The following PTPRG variants were observed in gnomAD, a reference collection of about 807,000 sequenced individuals.
PTPRG encodes the protein receptor-type tyrosine-protein phosphatase gamma.
Under a neutral mutation model 165.3 loss-of-function variants are expected in PTPRG, and 102 were observed. The ratio of observed to expected loss-of-function variants is 0.62; its 90% confidence interval spans 0.53 to 0.73. The LOEUF (loss-of-function observed/expected upper bound fraction) is 0.73. Among genes scored for constraint, PTPRG ranks in the 30% least tolerant of loss-of-function variants. The pLI is 0.00. For synonymous variants in PTPRG, 675 were observed against 669.5 expected, an observed-to-expected ratio of 1.01 and a Z score of -0.13; for missense variants, 1,866 against 1,861.4, an observed-to-expected ratio of 1.00 and a Z score of -0.05.
rs116189781 is a variant in PTPRG, at chr3:62,028,598, G to A, written c.519+25101G>A. On this transcript the variant is annotated intron_variant, in intron 4 of 29. Coordinates refer to ENST00000474889, the MANE Select transcript of PTPRG (RefSeq NM_002841.4). ...TTGCATGTTGGCCATCAAGGAGGTC[G>A]GGTCACAATTTGGAAGAACATTGTT... Among the ~76,000 whole-genome samples the A allele has an allele frequency of 4.2e-3, 637 of 152,248 alleles. 4 individuals carry two copies. Among genetic ancestry groups the A allele is most frequent in the African/African-American group, 0.012 (497 of 41,532 alleles).
chr3:61,933,265 A>C (rs2107588492), intron 2 of PTPRG, among the ~76,000 whole-genome samples: 1 of 152,348 alleles, frequency 6.6e-6, no homozygotes, highest in Non-Finnish European at 1.5e-5. Context: ...AATGATGCTG[A>C]GATACGATTT....
At chr3:62,078,298 G>T in intron 5 of PTPRG, 40 bp downstream of exon 5, 1 of 1,417,308 alleles carries the variant, frequency 7.1e-7, no homozygotes, top group Non-Finnish European at 9.7e-7. Context: ...AGAATTCTTT[G>T]AGTATTTTTT....
At position 62,296,453 on chromosome 3, in the gene PTPRG, C is replaced by A. The variant is rs1356231547; in HGVS notation, c.*3146C>A. The A allele has an allele frequency of 2.0e-5, 3 of 151,442 alleles. No individual in the cohort carries two copies. The highest frequency in any genetic ancestry group is 7.3e-5 in the African/African-American group (3 of 41,290). 9.4% of individuals were successfully genotyped at this position (151,442 alleles called of 1,614,324 possible). On this transcript the variant is annotated 3_prime_UTR_variant, in exon 30 of 30. Transcript: ENST00000474889. ...TGTATTTAAAATTAAAATATAGATA[C>A]CAATTTACCAAAGATACATATTACT... is the stretch of plus-strand genomic sequence containing the variant.
chr3:61,738,801 G>T (rs115193710), intron 1 of PTPRG, among the ~76,000 whole-genome samples: 2,867 of 151,810 alleles, frequency 0.019, 45 homozygotes, highest in South Asian at 0.039. Flanking sequence ...TTGAGACAAG[G>T]TCTTGCCCTG....
chr3:61,700,394 A>G (rs2030887383), intron 1 of PTPRG, among the ~76,000 whole-genome samples: 1 of 152,212 alleles, frequency 6.6e-6, no homozygotes, highest in Non-Finnish European at 1.5e-5. Flanking sequence ...CACAGTCCTG[A>G]CTAGATAGAA....
rs557453591 is a variant in PTPRG at position 62,271,044 on chromosome 3, T to C, written c.3010-339T>C. Among the ~76,000 whole-genome samples the C allele has an allele frequency of 2.0e-5, 3 of 152,144 alleles. No homozygotes were observed. In the East Asian group the frequency reaches 5.8e-4, roughly 29 times the overall value. ...GAGACATGAAAGCAAAGTACTAAGA[T>C]CTGGACTTGGGGCAGAAAGTCAGGA... On this transcript the variant is annotated intron_variant, in intron 20 of 29. Transcript: ENST00000474889. This position sits in a 1 kb window ranked among gnomAD's most constrained non-coding sequence, Gnocchi z 4.1.
intron 1 of PTPRG, among the ~76,000 whole-genome samples, chr3:61,743,841 T>A (rs2033096040): frequency 6.6e-6 from 1 of 152,240 alleles, no homozygotes; most frequent in Admixed American, 6.5e-5. Context: ...CATATTTTCA[T>A]AAGCATGCTC....
At chr3:62,084,251 A>T (rs1206907223) in intron 5 of PTPRG, among the ~76,000 whole-genome samples, 3 of 152,196 alleles carry the variant, frequency 2.0e-5, no homozygotes, top group Non-Finnish European at 4.4e-5. Flanking sequence ...CATCTGATTT[A>T]TTCATCATTC....
intron 2 of PTPRG, among the ~76,000 whole-genome samples, chr3:61,842,684 C>CAAAAAAAAA (rs199500194): frequency 1.6e-4 from 20 of 121,614 alleles, no homozygotes; most frequent in Non-Finnish European, 2.7e-4. Flanking sequence ...GTATGTGTGG[C>CAAAAAAAAA]AAAAAAAAAA....
intron 14 of PTPRG, among the ~76,000 whole-genome samples, chr3:62,235,839 C>G (rs981011891): frequency 2.0e-5 from 3 of 152,164 alleles, no homozygotes; most frequent in African/African-American, 7.2e-5. Context: ...GTTCTCTTTT[C>G]TCTTCCCTTT....
intron 1 of PTPRG, among the ~76,000 whole-genome samples, chr3:61,595,026 A>G (rs1158178492): frequency 6.6e-6 from 1 of 152,160 alleles, no homozygotes; most frequent in Non-Finnish European, 1.5e-5. Flanking sequence ...AAAGCGAGAA[A>G]ACTGATCTGT....
At chr3:61,950,778 G>GT (rs1053124691) in intron 2 of PTPRG, among the ~76,000 whole-genome samples, 1 of 152,152 alleles carries the variant, frequency 6.6e-6, no homozygotes, top group African/African-American at 2.4e-5. Context: ...GAAAGTGAGT[G>GT]TTTTTTGATC....
intron 2 of PTPRG, among the ~76,000 whole-genome samples, chr3:61,927,112 A>G (rs2039233836): frequency 6.6e-6 from 1 of 152,160 alleles, no homozygotes; most frequent in Admixed American, 6.5e-5. Flanking sequence ...AAGCAACCAA[A>G]TTCCATTTCA....
At position 61,903,460 on chromosome 3, in the gene PTPRG, G is replaced by A. The variant is rs150653600; in HGVS notation, c.191-86165G>A. Among the ~76,000 whole-genome samples the A allele has an allele frequency of 7.0e-3, 1,058 of 152,224 alleles. 11 individuals carry two copies. Among genetic ancestry groups the A allele is most frequent in the African/African-American group, 0.024 (982 of 41,548 alleles). On this transcript the variant is annotated intron_variant, in intron 2 of 29. Transcript: ENST00000474889. ...ACAATCTCGGCTCACTGCAACCTCC[G>A]CCTCTCGGGTTCAGGTGATTCTCGT...
At chr3:61,958,585 C>T (rs2040084582) in intron 2 of PTPRG, among the ~76,000 whole-genome samples, 1 of 152,132 alleles carries the variant, frequency 6.6e-6, no homozygotes, top group African/African-American at 2.4e-5. Flanking sequence ...CTTTTATATG[C>T]CTCCATAGTT....
At chr3:61,989,478 C>A in intron 2 of PTPRG, 147 bp from the exon 3 acceptor site, 1 of 683,896 alleles carries the variant, frequency 1.5e-6, no homozygotes, top group Admixed American at 3.2e-5. Flanking sequence ...CACATCAGGC[C>A]AATGGCTTTG....
chr3:62,213,451 A>G lies in PTPRG; in HGVS notation c.2156-5400A>G, dbSNP rs1475871871. Reference sequence around the variant, plus strand: ...TTTTGCATTTGGTCCTATAAGTTACATAGCCATAACTTACATAGTCTGTTT... The same window carrying G: ...TTTTGCATTTGGTCCTATAAGTTACGTAGCCATAACTTACATAGTCTGTTT... On this transcript the variant is annotated intron_variant, in intron 12 of 29. Coordinates refer to ENST00000474889, the MANE Select transcript of PTPRG (RefSeq NM_002841.4). This position sits in a 1 kb window ranked among gnomAD's most constrained non-coding sequence, Gnocchi z 4.4. 6.6e-6 allele frequency among the ~76,000 whole-genome samples: 1 copy of G among 152,200 alleles called. No individual in the cohort carries two copies. Among genetic ancestry groups the G allele is most frequent in the African/African-American group, 2.4e-5 (1 of 41,458 alleles).
At chr3:61,611,750 A>G (rs1054345472) in intron 1 of PTPRG, among the ~76,000 whole-genome samples, 1 of 152,146 alleles carries the variant, frequency 6.6e-6, no homozygotes, top group African/African-American at 2.4e-5. Context: ...CAGTACATCA[A>G]TGAATGGGTA....
At chr3:61,569,226 A>G (rs1198398197) in intron 1 of PTPRG, among the ~76,000 whole-genome samples, 2 of 152,230 alleles carry the variant, frequency 1.3e-5, no homozygotes, top group African/African-American at 4.8e-5. Flanking sequence ...TGAGAGTTAT[A>G]CAGAACATAG....
Sources: gnomAD v4.1 joint callset for allele counts (sites outside exome capture counted in the v4.1 genomes callset) on GRCh38, gnomAD v4.1.1 for gene constraint, Gnocchi (gnomAD v3.1) non-coding constraint, MANE v1.5 for transcripts, NCBI Gene and HGNC (gene_info 2026-07-23, HGNC 2026-07-21) for gene names.